Variants in SGCE observed in about 807,000 individuals in gnomAD.
The protein encoded by SGCE is epsilon-sarcoglycan.
In SGCE, 26 loss-of-function variants were observed where a neutral mutation model predicts 57.8. That is an observed-to-expected ratio of 0.45 (90% CI 0.33 to 0.62). The LOEUF is 0.62. Among genes scored for constraint, SGCE ranks in the 20% least tolerant of loss-of-function variants. The pLI is 0.02. For synonymous variants in SGCE, 183 were observed against 189.5 expected (o/e 0.97, Z 0.28); for missense variants, 468 against 548.6 (o/e 0.85, Z 1.47).
At chr7:94,651,357 C>T (rs1455277465) in intron 1 of SGCE, among the ~76,000 whole-genome samples, 3 of 152,136 alleles carry the variant, frequency 2.0e-5, no homozygotes, top group Admixed American at 6.6e-5. Context: ...CAAAGTCATT[C>T]GTACAAATGC....
At chr7:94,599,146 CTG>C in intron 8 of SGCE, 183 bp from the exon 9 acceptor site, 4 of 556,236 alleles carry the variant, frequency 7.2e-6, no homozygotes, top group Admixed American at 3.2e-5. Flanking sequence ...TATAACAAAA[CTG>C]AAAATTATAA....
chr7:94,623,277 G>T (rs1803112789), intron 4 of SGCE, 48 bp downstream of exon 4: 2 of 1,182,612 alleles, frequency 1.7e-6, no homozygotes, highest in African/African-American at 1.6e-5. Flanking sequence ...AAAACATAAT[G>T]AAATACTTCT....
chr7:94,618,538 C>T (rs942824080), intron 5 of SGCE: 1 of 529,206 alleles, frequency 1.9e-6, no homozygotes, highest in African/African-American at 1.9e-5. Flanking sequence ...TGATCCTCAT[C>T]TACAATTAGA....
At chr7:94,655,762 C>CG (rs1193623320) in intron 1 of SGCE, among the ~76,000 whole-genome samples, 1 of 86,478 alleles carries the variant, frequency 1.2e-5, no homozygotes, top group Non-Finnish European at 2.2e-5. Context: ...GAGGGGCCCG[C>CG]GGGGGCGCGG....
At chr7:94,652,862 C>G (rs191788858) in intron 1 of SGCE, among the ~76,000 whole-genome samples, 1 of 152,066 alleles carries the variant, frequency 6.6e-6, no homozygotes, top group Non-Finnish European at 1.5e-5. Flanking sequence ...TCAGCAGGTT[C>G]GTAAATCCAT....
intron 8 of SGCE, 97 bp from the exon 9 acceptor site, chr7:94,599,060 A>T: frequency 1.1e-6 from 1 of 893,638 alleles, no homozygotes; most frequent in Non-Finnish European, 1.7e-6. Flanking sequence ...TTTATCTTTT[A>T]AAATAATAAG....
At chr7:94,596,158 C>A (rs1798369997) in intron 9 of SGCE, among the ~76,000 whole-genome samples, 1 of 152,040 alleles carries the variant, frequency 6.6e-6, no homozygotes, top group South Asian at 2.1e-4. Flanking sequence ...TCTGATCAAC[C>A]TAATGACAGT....
At chr7:94,644,315 C>A (rs1201045099) in intron 1 of SGCE, among the ~76,000 whole-genome samples, 1 of 152,178 alleles carries the variant, frequency 6.6e-6, no homozygotes, top group Non-Finnish European at 1.5e-5. Context: ...CTTAAGATTC[C>A]ATGATTCATT....
chr7:94,603,526 C>A, intron 5 of SGCE, 74 bp from the exon 6 acceptor site: 3 of 1,405,142 alleles, frequency 2.1e-6, no homozygotes, highest in Non-Finnish European at 2.0e-6. Flanking sequence ...ACCTTAAAAG[C>A]AGGATTTAGC....
In SGCE at chr7:94,603,395, T is replaced by G. The variant is rs1799575747; in HGVS notation, c.720A>C (p.Glu240Asp). 1 of 1,613,334 alleles carries G rather than the reference T, an allele frequency of 6.2e-7. No homozygotes were observed. Among genetic ancestry groups the G allele is most frequent in the Non-Finnish European group, 8.5e-7 (1 of 1,179,460 alleles). The change falls in exon 6 of 11, where the codon GAA becomes GAC. Residue 240 changes from glutamate to aspartate, a missense_variant. By Grantham distance (45) the Glu-to-Asp change is conservative (BLOSUM62 2). Transcript: ENST00000648936. ...VPFSSCLREV[E>D]NPQNQLRCSQ... ...TACATCTCAATTGATTCTGTGGATT[T>G]TCAACTTCTCGTAAACAAGAAGAAA...
At chr7:94,639,449 C>G in intron 1 of SGCE, 1 of 1,514,162 alleles carries the variant, frequency 6.6e-7, no homozygotes, top group Non-Finnish European at 8.9e-7. Context: ...AATAAAAAAG[C>G]TTTTCAGAAT....
intron 2 of SGCE, 89 bp downstream of exon 2, chr7:94,629,630 A>G (rs1804350811): frequency 2.6e-6 from 3 of 1,153,156 alleles, no homozygotes; most frequent in African/African-American, 3.1e-5. Flanking sequence ...AATAATGTTA[A>G]TGATATTTTA....
At chr7:94,600,895 G>T (rs370373105) in intron 6 of SGCE, 38 bp from the exon 7 acceptor site, 2 of 1,481,208 alleles carry the variant, frequency 1.4e-6, no homozygotes, top group Non-Finnish European at 1.9e-6. Flanking sequence ...CAAATTAATC[G>T]TTGCAAACAT....
At chr7:94,636,948 C>T (rs1287006627) in intron 1 of SGCE, among the ~76,000 whole-genome samples, 1 of 151,546 alleles carries the variant, frequency 6.6e-6, no homozygotes, top group Non-Finnish European at 1.5e-5. Flanking sequence ...GCCTATAATC[C>T]CAGCTACTCA....
intron 10 of SGCE, chr7:94,588,234 G>T: frequency 9.6e-7 from 1 of 1,046,242 alleles, no homozygotes; most frequent in Non-Finnish European, 1.2e-6. Flanking sequence ...GCTTTTTAAA[G>T]CGGCTTTAAA....
chr7:94,638,673 C>T (rs938433597), intron 1 of SGCE, among the ~76,000 whole-genome samples: 2 of 151,026 alleles, frequency 1.3e-5, no homozygotes, highest in African/African-American at 4.9e-5. Context: ...AGTGCAAGTT[C>T]ATAATGGTAA....
rs371585232 is a variant in SGCE at position 94,639,257 on chromosome 7, A to G, written c.110-9416T>C. 3 of 859,506 alleles carry G rather than the reference A, an allele frequency of 3.5e-6. No individual in the cohort carries two copies. In the East Asian group the frequency reaches 8.0e-5, roughly 23 times the overall value. The allele number at this position is 859,506 out of a possible 1,614,324, so 53.2% of individuals were successfully genotyped here. ...TAACAACAACAACAAAAAGCCACAC[A>G]TGACTAAAAAAGGGAAGAGACTATT... On this transcript the variant is annotated intron_variant, in intron 1 of 10. Coordinates refer to ENST00000648936, the MANE Select transcript of SGCE (RefSeq NM_003919.3).
chr7:94,592,936 T>C (rs1584494390), intron 9 of SGCE, among the ~76,000 whole-genome samples: 1 of 152,068 alleles, frequency 6.6e-6, no homozygotes, highest in Admixed American at 6.6e-5. Context: ...CAATAAGAAA[T>C]AGTTATATAT....
At chr7:94,627,190 T>C (rs1326864422) in intron 3 of SGCE, 1 of 151,996 alleles carries the variant, frequency 6.6e-6, no homozygotes, top group Non-Finnish European at 1.5e-5. Flanking sequence ...GAAGCTCACA[T>C]CCACAGTACA....
Sources: gnomAD v4.1 joint callset for allele counts (sites outside exome capture counted in the v4.1 genomes callset) on GRCh38, gnomAD v4.1.1 for gene constraint, MANE v1.5 for transcripts, NCBI Gene and HGNC (gene_info 2026-07-23, HGNC 2026-07-21) for gene names.